The following MOB3B variants were observed in gnomAD, a reference collection of about 807,000 sequenced individuals.
MOB3B encodes MOB kinase activator 3B, also known as MOB kinase activator-like 2B.
In MOB3B, 7 loss-of-function variants were observed where a neutral mutation model predicts 18.7. The observed-to-expected ratio is 0.37, with a 90% CI of 0.21 to 0.70. The LOEUF (loss-of-function observed/expected upper bound fraction) is 0.70, where lower values mean the gene tolerates loss of function less well. Among genes scored for constraint, MOB3B ranks in the 30% least tolerant of loss-of-function variants. The pLI, the probability that MOB3B is intolerant of heterozygous loss-of-function variation, is 0.52. For synonymous variants in MOB3B, 111 were observed against 99.9 expected, an observed-to-expected ratio of 1.11 and a Z score of -0.66; for missense variants, 253 against 281.3, an observed-to-expected ratio of 0.90 and a Z score of 0.72.
chr9:27,468,139 A>G (rs1006184725), intron 1 of MOB3B, among the ~76,000 whole-genome samples: 9 of 152,232 alleles, frequency 5.9e-5, no homozygotes, highest in African/African-American at 2.2e-4. Context: ...CCAGAAATGC[A>G]TAGCCTTCTC....
intron 1 of MOB3B, among the ~76,000 whole-genome samples, chr9:27,484,823 C>A (rs1819710672): frequency 6.6e-6 from 1 of 152,100 alleles, no homozygotes; most frequent in African/African-American, 2.4e-5. Flanking sequence ...GCTGTCAAAC[C>A]CAGGCATGAG....
intron 1 of MOB3B, among the ~76,000 whole-genome samples, chr9:27,523,115 G>T (rs959819431): frequency 2.0e-5 from 3 of 152,014 alleles, no homozygotes; most frequent in Admixed American, 2.0e-4. Context: ...GCAAATTAAT[G>T]TATATCTTTT....
At chr9:27,500,425 C>T (rs561553285) in intron 1 of MOB3B, among the ~76,000 whole-genome samples, 1 of 151,550 alleles carries the variant, frequency 6.6e-6, no homozygotes. Flanking sequence ...ACAGAACAGA[C>T]GCCTCAGAAA....
At chr9:27,497,973 T>C (rs767083069) in intron 1 of MOB3B, among the ~76,000 whole-genome samples, 2 of 152,240 alleles carry the variant, frequency 1.3e-5, no homozygotes, top group Non-Finnish European at 2.9e-5. Context: ...GCCTTGGTGC[T>C]ATGCACAGTG....
intron 2 of MOB3B, among the ~76,000 whole-genome samples, chr9:27,453,330 G>C (rs527936984): frequency 6.6e-6 from 1 of 152,102 alleles, no homozygotes; most frequent in Non-Finnish European, 1.5e-5. Context: ...AAATCTTTAC[G>C]ATCTCTCAAA....
At chr9:27,518,999 C>T (rs1269227869) in intron 1 of MOB3B, among the ~76,000 whole-genome samples, 3 of 152,158 alleles carry the variant, frequency 2.0e-5, no homozygotes, top group African/African-American at 2.4e-5. Context: ...AGTAGAGGTA[C>T]GAAAGTGCTC....
intron 1 of MOB3B, among the ~76,000 whole-genome samples, chr9:27,511,387 C>A (rs1422564519): frequency 6.6e-6 from 1 of 152,086 alleles, no homozygotes; most frequent in Non-Finnish European, 1.5e-5. Flanking sequence ...TAAAATTGTC[C>A]ATCCTGCAGC....
chr9:27,394,892 T>C (rs1821778042), intron 2 of MOB3B, among the ~76,000 whole-genome samples: 1 of 152,230 alleles, frequency 6.6e-6, no homozygotes, highest in Admixed American at 6.5e-5. Flanking sequence ...ATTTCATGTA[T>C]TGAGAGTCAT....
At chr9:27,432,894 T>C (rs1407835484) in intron 2 of MOB3B, among the ~76,000 whole-genome samples, 5 of 152,210 alleles carry the variant, frequency 3.3e-5, no homozygotes, top group African/African-American at 4.8e-5. Context: ...GAAGCTGTTT[T>C]CCATCTTTGC....
chr9:27,378,886 T>C (rs1351711500), intron 2 of MOB3B, among the ~76,000 whole-genome samples: 2 of 152,228 alleles, frequency 1.3e-5, no homozygotes, highest in African/African-American at 4.8e-5. Flanking sequence ...GCCACAAAGC[T>C]AACAAGTGCT....
chr9:27,486,795 T>C (rs1819734731), intron 1 of MOB3B, among the ~76,000 whole-genome samples: 1 of 152,176 alleles, frequency 6.6e-6, no homozygotes, highest in African/African-American at 2.4e-5. Context: ...AAACAGGACT[T>C]GGCCATGTAT....
chr9:27,529,579 G>A lies in MOB3B; in HGVS notation c.-223C>T, dbSNP rs1329434428. 3 of 985,574 alleles carry A rather than the reference G, an allele frequency of 3.0e-6. No homozygotes were observed. In the African/African-American group the frequency reaches 5.2e-5, roughly 17 times the overall value. The allele number at this position is 985,574 out of a possible 1,614,324, so 61.1% of individuals were successfully genotyped here. ...CCGTGGGGTTTTACCTCCAGCCCAG[G>A]GCCCGGTCGGCTCCCTTCGCCGGGT... On this transcript the variant is annotated 5_prime_UTR_variant, in exon 1 of 4. Transcript: ENST00000262244.
chr9:27,523,121 C>CT (rs1006362879), intron 1 of MOB3B, among the ~76,000 whole-genome samples: 8 of 152,022 alleles, frequency 5.3e-5, no homozygotes, highest in Admixed American at 2.6e-4. Flanking sequence ...TAATGTATAT[C>CT]TTTTTTTTCT....
At chr9:27,402,760 G>T (rs1349637600) in intron 2 of MOB3B, among the ~76,000 whole-genome samples, 1 of 152,180 alleles carries the variant, frequency 6.6e-6, no homozygotes, top group African/African-American at 2.4e-5. Flanking sequence ...TGGCCCCGTG[G>T]GCCTCCCAGG....
chr9:27,338,427 A>C (rs1489731762), intron 3 of MOB3B, among the ~76,000 whole-genome samples: 1 of 152,096 alleles, frequency 6.6e-6, no homozygotes, highest in Non-Finnish European at 1.5e-5. Context: ...GTTGCTAAGA[A>C]TTTGCCCTGG....
chr9:27,466,862 A>G lies in MOB3B; in HGVS notation c.-198-11114T>C, dbSNP rs183601645. 7.9e-5 allele frequency among the ~76,000 whole-genome samples: 12 copies of G among 152,288 alleles called. 1 individual carries two copies. Among genetic ancestry groups the G allele is most frequent in the Admixed American group, 7.8e-4 (12 of 15,304 alleles). ...TGGGAATTTTGGGAGATAAAATTCAAGTTGAGATTTGGGTGGGGACACAGC... is the reference window on the plus strand; with the variant it reads ...TGGGAATTTTGGGAGATAAAATTCAGGTTGAGATTTGGGTGGGGACACAGC... On this transcript the variant is annotated intron_variant, in intron 1 of 3. Coordinates refer to ENST00000262244, the MANE Select transcript of MOB3B (RefSeq NM_024761.5).
chr9:27,404,899 T>C (rs1821942716), intron 2 of MOB3B, among the ~76,000 whole-genome samples: 1 of 152,076 alleles, frequency 6.6e-6, no homozygotes, highest in Admixed American at 6.5e-5. Context: ...TGGGGTTCCC[T>C]TTTCTCCACA....
At chr9:27,489,951 A>C (rs1003039343) in intron 1 of MOB3B, among the ~76,000 whole-genome samples, 1 of 152,014 alleles carries the variant, frequency 6.6e-6, no homozygotes, top group Non-Finnish European at 1.5e-5. Flanking sequence ...ATATTCTTTA[A>C]GGTGGTGAAA....
At position 27,337,685 on chromosome 9, in the gene MOB3B, G is replaced by A. The variant is rs147942161; in HGVS notation, c.622-7069C>T. ...AGGGATTCGGGTTCTCAGCTATACC[G>A]TGTGGGCCCATTTGAAATCCTCTTG... On this transcript the variant is annotated intron_variant, in intron 3 of 3. Coordinates refer to ENST00000262244, the MANE Select transcript of MOB3B (RefSeq NM_024761.5). 7.3e-3 allele frequency among the ~76,000 whole-genome samples: 1,107 copies of A among 152,300 alleles called. 2 individuals carry two copies. Among genetic ancestry groups the A allele is most frequent in the Middle Eastern group, 0.024 (7 of 294 alleles).
Sources: gnomAD v4.1 joint callset for allele counts (sites outside exome capture counted in the v4.1 genomes callset) on GRCh38, gnomAD v4.1.1 for gene constraint, MANE v1.5 for transcripts, NCBI Gene and HGNC (gene_info 2026-07-23, HGNC 2026-07-21) for gene names.